Variants in SYNE1 observed in about 807,000 individuals in gnomAD.
SYNE1 encodes nesprin-1.
SYNE1 carries 616 observed loss-of-function variants against 1,111.0 expected under a neutral mutation model. That is an observed-to-expected ratio of 0.55 (90% CI 0.52 to 0.59). The LOEUF is 0.59. SYNE1 is among the 20% of genes least tolerant of loss of function. SYNE1 has a pLI of 0.00. For synonymous variants in SYNE1, 3,855 were observed against 3,825.8 expected, an observed-to-expected ratio of 1.01 and a Z score of -0.28; for missense variants, 10,006 against 10,417.0, an observed-to-expected ratio of 0.96 and a Z score of 1.72.
rs144776045 is a variant in SYNE1, at chr6:152,519,287, C to T, written c.309+1172G>A. Among the ~76,000 whole-genome samples, 112 of 152,194 alleles carry T rather than the reference C, an allele frequency of 7.4e-4. 1 individual carries two copies. Among genetic ancestry groups the T allele is most frequent in the Admixed American group, 1.3e-3 (20 of 15,288 alleles). ...AAATGCCACTCATCACTAAAAGGAACGAAGCCTCTTTAGAGAAGTGGTTGA... is the reference window on the plus strand; with the variant it reads ...AAATGCCACTCATCACTAAAAGGAATGAAGCCTCTTTAGAGAAGTGGTTGA... On this transcript the variant is annotated intron_variant, in intron 6 of 145. Transcript: ENST00000367255.
At position 152,294,094 on chromosome 6, in the gene SYNE1, T is replaced by G. The variant is rs1178186821; in HGVS notation, c.17716A>C (p.Arg5906=). The change falls in exon 94 of 146, where the codon AGG becomes CGG. Residue 5906 remains arginine (R), a synonymous_variant. Transcript: ENST00000367255. The part of the protein sequence containing the change: ...IAYYQALSAE[R]LQTDAAKIHP... The stretch of plus-strand genomic sequence containing the variant: ...ATTTTTGCAGCATCTGTCTGCAACC[T>G]CTCAGCAGACAAGGCTTGGTAATAT... 6.2e-7 allele frequency: 1 copy of G among 1,613,820 alleles called. No homozygotes were observed. The highest frequency in any genetic ancestry group is 8.5e-7 in the Non-Finnish European group (1 of 1,179,996).
intron 3 of SYNE1, among the ~76,000 whole-genome samples, chr6:152,588,212 G>T (rs1390619623): frequency 6.6e-6 from 1 of 152,176 alleles, no homozygotes; most frequent in Admixed American, 6.5e-5. Context: ...GTGGGCAGCA[G>T]TGAATAAAAC....
intron 74 of SYNE1, among the ~76,000 whole-genome samples, chr6:152,341,735 A>C (rs2096537965): frequency 6.6e-6 from 1 of 152,218 alleles, no homozygotes; most frequent in Non-Finnish European, 1.5e-5. Context: ...GTAAGTCCTC[A>C]TTTAATGTCG....
intron 113 of SYNE1, 69 bp from the exon 114 acceptor site, chr6:152,231,636 C>G: frequency 6.9e-7 from 1 of 1,453,768 alleles, no homozygotes. Context: ...AGTTGGAAAG[C>G]CTTAAGTAAC....
intron 16 of SYNE1, among the ~76,000 whole-genome samples, chr6:152,469,281 C>T (rs1342188983): frequency 2.0e-5 from 3 of 152,112 alleles, no homozygotes; most frequent in Admixed American, 2.0e-4. Flanking sequence ...CAGTATATGT[C>T]AGTCTTTGTT....
In SYNE1 at chr6:152,453,334, A is replaced by G. The variant is rs1310557970; in HGVS notation, c.3027+252T>C. 37 of 617,076 alleles carry G rather than the reference A, an allele frequency of 6.0e-5. 1 individual carries two copies. The Admixed American group carries it at 1.0e-3, about 17-fold the overall frequency. 38.2% of individuals were successfully genotyped at this position (617,076 alleles called of 1,614,324 possible). A position where few individuals can be genotyped will look rare whatever the true frequency, so the allele number is the denominator to read the frequency against. On this transcript the variant is annotated intron_variant, in intron 25 of 145. Coordinates refer to ENST00000367255, the MANE Select transcript of SYNE1 (RefSeq NM_182961.4). ...AAATGTTCTTGCACCCTGGATTAAA[A>G]AAAAATCAGGAAACCAAAAAGAATG... is the stretch of plus-strand genomic sequence containing the variant.
chr6:152,432,774 C>T (rs148250296), intron 34 of SYNE1, among the ~76,000 whole-genome samples: 60 of 152,126 alleles, frequency 3.9e-4, no homozygotes, highest in African/African-American at 1.3e-3. Flanking sequence ...GATTAAATGA[C>T]AACTTTTAAA....
At position 152,244,726 on chromosome 6, in the gene SYNE1, T is replaced by G. The variant is rs990549336; in HGVS notation, c.19573-70A>C. On this transcript the variant is annotated intron_variant, in intron 105 of 145. Transcript: ENST00000367255. Reference sequence around the variant, plus strand: ...TTCCCCACGGAAGATGTGATTATTGTATCTCTTTCTGTGTTCCTCCTCTCC... The same window carrying G: ...TTCCCCACGGAAGATGTGATTATTGGATCTCTTTCTGTGTTCCTCCTCTCC... 5.0e-6 allele frequency: 8 copies of G among 1,592,156 alleles called. 1 individual carries two copies. The highest frequency in any genetic ancestry group is 4.0e-5 in the African/African-American group (3 of 74,626).
In SYNE1 at chr6:152,398,634, C is replaced by A; in HGVS notation, c.7335G>T (p.Lys2445Asn). 6.2e-7 allele frequency: 1 copy of A among 1,613,860 alleles called. No individual in the cohort carries two copies. Among genetic ancestry groups the A allele is most frequent in the Non-Finnish European group, 8.5e-7 (1 of 1,179,810 alleles). Residue 2445 changes from lysine (K) to asparagine (N), a missense_variant, in exon 49 of 146, where the codon AAG becomes AAT. Lys to Asn is a moderately conservative substitution (Grantham distance 94). Coordinates refer to ENST00000367255, the MANE Select transcript of SYNE1 (RefSeq NM_182961.4). ...RTGDSKVLEAKLHDLQNILDS... is the reference protein window; with the variant it reads ...RTGDSKVLEANLHDLQNILDS... Reference sequence around the variant, plus strand: ...GCTTCTATACCTGAAGATCATGGAGCTTTGCTTCTAGAACTTTGCTGTCAC... The same window carrying A: ...GCTTCTATACCTGAAGATCATGGAGATTTGCTTCTAGAACTTTGCTGTCAC...
At chr6:152,360,150 T>C (rs2096907844) in intron 64 of SYNE1, among the ~76,000 whole-genome samples, 1 of 152,212 alleles carries the variant, frequency 6.6e-6, no homozygotes, top group African/African-American at 2.4e-5. Flanking sequence ...GCTTCTCAGC[T>C]TAAAACCTGG....
intron 3 of SYNE1, chr6:152,546,175 G>A (rs1229729732): frequency 6.6e-6 from 1 of 152,050 alleles, no homozygotes; most frequent in African/African-American, 2.4e-5. Flanking sequence ...ATTATATATG[G>A]GTAGGGAATA....
intron 52 of SYNE1, among the ~76,000 whole-genome samples, chr6:152,390,819 G>A (rs1563637710): frequency 6.6e-6 from 1 of 152,160 alleles, no homozygotes; most frequent in Admixed American, 6.5e-5. Context: ...TTCAAGGTCA[G>A]CTTCATTGGC....
At chr6:152,421,515 TA>T (rs901989673) in intron 39 of SYNE1, among the ~76,000 whole-genome samples, 8 of 151,742 alleles carry the variant, frequency 5.3e-5, no homozygotes, top group Non-Finnish European at 1.0e-4. Context: ...AATTATGTTT[TA>T]AAAAAAACTA....
intron 64 of SYNE1, 41 bp from the exon 65 acceptor site, chr6:152,359,499 C>G (rs1245943061): frequency 6.2e-7 from 1 of 1,612,884 alleles, no homozygotes; most frequent in African/African-American, 1.3e-5. Context: ...CATTCATGCA[C>G]CATCACATCA....
intron 34 of SYNE1, among the ~76,000 whole-genome samples, chr6:152,431,733 G>C (rs973416551): frequency 7.9e-5 from 12 of 152,148 alleles, no homozygotes; most frequent in African/African-American, 2.9e-4. Flanking sequence ...ACCATAGTCA[G>C]AAATAATTTC....
rs1167251950 is a variant in SYNE1, at chr6:152,155,018, CCA to C, written c.24001_24002del (p.Trp8001AlafsTer6). The C allele has an allele frequency of 2.5e-6, 4 of 1,613,998 alleles. No homozygotes were observed. The highest frequency in any genetic ancestry group is 3.4e-6 in the Non-Finnish European group (4 of 1,180,006). On this transcript the variant is annotated frameshift_variant, in exon 133 of 146. Transcript: ENST00000367255. LOFTEE classifies it high-confidence loss of function. ...GTGAATAGTCATCCAGAAATTTCTG[CCA>C]CAATCGCCACGTCTCTTCGATTCTG... ...RLKIEETWRLWQKFLDDYSRF... is the reference protein window; with the variant it reads ...RLKIEETWRLXQKFLDDYSRF...
chr6:152,360,021 C>T (rs1385380264), intron 64 of SYNE1, among the ~76,000 whole-genome samples: 2 of 152,246 alleles, frequency 1.3e-5, no homozygotes, highest in Non-Finnish European at 1.5e-5. Flanking sequence ...TTCACTTGGA[C>T]TTTGCAGTGG....
At chr6:152,250,150 T>G (rs1428684551) in intron 104 of SYNE1, among the ~76,000 whole-genome samples, 2 of 151,840 alleles carry the variant, frequency 1.3e-5, no homozygotes, top group African/African-American at 4.8e-5. Flanking sequence ...TGTAGTCCTA[T>G]CTACTTGGGA....
At chr6:152,137,173 C>T (rs1409166072) in intron 140 of SYNE1, among the ~76,000 whole-genome samples, 5 of 152,056 alleles carry the variant, frequency 3.3e-5, no homozygotes, top group Non-Finnish European at 7.4e-5. Flanking sequence ...AGAATAGCTA[C>T]CATTTTGAAA....
Sources: allele counts gnomAD v4.1 joint callset (sites outside exome capture counted in the v4.1 genomes callset), GRCh38; gene constraint gnomAD v4.1.1; transcripts MANE v1.5; gene names NCBI Gene and HGNC (gene_info 2026-07-23, HGNC 2026-07-21).